Variants in CLVS1 observed in about 807,000 individuals in gnomAD.
The protein encoded by CLVS1 is clavesin 1.
Under a neutral mutation model 33.1 loss-of-function variants are expected in CLVS1, and 10 were observed. That is an observed-to-expected ratio of 0.30 (90% CI 0.19 to 0.51). CLVS1 has a LOEUF of 0.51. CLVS1 is among the 20% of genes least tolerant of loss of function. The pLI is 0.97. For missense variants in CLVS1, 343 were observed against 433.4 expected, an observed-to-expected ratio of 0.79 and a Z score of 1.85; for synonymous variants, 163 against 166.1, an observed-to-expected ratio of 0.98 and a Z score of 0.14.
At chr8:61,396,013 C>T (rs1258130558) in intron 3 of CLVS1, among the ~76,000 whole-genome samples, 2 of 152,190 alleles carry the variant, frequency 1.3e-5, no homozygotes, top group African/African-American at 2.4e-5. Flanking sequence ...TTCCACCATT[C>T]ACCCACTTAT....
rs369025438 is a variant in CLVS1, at chr8:61,181,697, C to CTTTTTTTTTTT, written c.-152+49847_-152+49857dup. ...TACCACACATCTACAACCATCTGAT[C>CTTTTTTTTTTT]TTTTTTTTTTTTTTTTTTTTGAGAT... is the stretch of plus-strand genomic sequence containing the variant. On this transcript the variant is annotated intron_variant, in intron 2 of 2. Transcript: ENST00000522621. 2.2e-3 allele frequency among the ~76,000 whole-genome samples: 224 copies of CTTTTTTTTTTT among 103,158 alleles called. 1 individual carries two copies. The highest frequency in any genetic ancestry group is 3.5e-3 in the Non-Finnish European group (185 of 53,516). The allele number at this position is 103,158 out of a possible 152,430, so 67.7% of individuals were successfully genotyped here.
intron 2 of CLVS1, among the ~76,000 whole-genome samples, chr8:61,141,179 C>T (rs946831289): frequency 2.0e-5 from 3 of 152,136 alleles, no homozygotes; most frequent in African/African-American, 4.8e-5. Context: ...CCTCTAGGTC[C>T]TCCATATTAA....
intron 1 of CLVS1, among the ~76,000 whole-genome samples, chr8:61,125,771 T>C (rs1190694799): frequency 6.6e-6 from 1 of 152,198 alleles, no homozygotes; most frequent in African/African-American, 2.4e-5. Context: ...TAAAAAGACA[T>C]ATGCAAATAT....
chr8:61,170,579 C>T (rs551670487), intron 2 of CLVS1, among the ~76,000 whole-genome samples: 1 of 152,290 alleles, frequency 6.6e-6, no homozygotes, highest in South Asian at 2.1e-4. Flanking sequence ...TGCAATCAGG[C>T]TGACCCAGGT....
the CLVS1 span, among the ~76,000 whole-genome samples, chr8:60,970,386 A>C: frequency 6.6e-6 from 1 of 152,228 alleles, no homozygotes; most frequent in Non-Finnish European, 1.5e-5. Flanking sequence ...TACTGTGTTG[A>C]AGCCTGTTTC....
At chr8:61,327,856 T>A (rs1463884050) in intron 2 of CLVS1, among the ~76,000 whole-genome samples, 1 of 152,208 alleles carries the variant, frequency 6.6e-6, no homozygotes, top group Non-Finnish European at 1.5e-5. Flanking sequence ...CTTCTCTGGT[T>A]GATCAATCTG....
chr8:61,107,714 C>A (rs1432503541), intron 1 of CLVS1, among the ~76,000 whole-genome samples: 2 of 152,230 alleles, frequency 1.3e-5, no homozygotes, highest in East Asian at 3.8e-4. Context: ...TGTGTCTCCC[C>A]ATTGCGTTAC....
chr8:61,174,085 G>T (rs1287165424), intron 2 of CLVS1, among the ~76,000 whole-genome samples: 1 of 152,064 alleles, frequency 6.6e-6, no homozygotes, highest in South Asian at 2.1e-4. Flanking sequence ...CAATACAATA[G>T]TTTTCAAGTA....
intron 3 of CLVS1, among the ~76,000 whole-genome samples, chr8:61,417,380 T>C (rs1470251776): frequency 1.3e-5 from 2 of 152,212 alleles, no homozygotes; most frequent in African/African-American, 2.4e-5. Context: ...TTTCTTTGAA[T>C]GTGATACAAA....
chr8:61,442,578 G>A (rs1368560634), intron 3 of CLVS1, among the ~76,000 whole-genome samples: 1 of 152,092 alleles, frequency 6.6e-6, no homozygotes, highest in East Asian at 1.9e-4. Context: ...AATCCAGCTT[G>A]TCCACATCCT....
At chr8:61,082,047 G>A (rs541300553) in intron 1 of CLVS1, among the ~76,000 whole-genome samples, 1 of 152,276 alleles carries the variant, frequency 6.6e-6, no homozygotes, top group African/African-American at 2.4e-5. Context: ...ATACGGTAAG[G>A]GCTCTAATTG....
intron 1 of CLVS1, among the ~76,000 whole-genome samples, chr8:61,064,335 A>T (rs1454169562): frequency 6.6e-6 from 1 of 152,218 alleles, no homozygotes; most frequent in Non-Finnish European, 1.5e-5. Context: ...TTATGCTTCA[A>T]CAATGAAGTA....
chr8:61,024,306 A>G, the CLVS1 span, among the ~76,000 whole-genome samples: 304 of 152,278 alleles, frequency 2.0e-3, 2 homozygotes, highest in African/African-American at 6.8e-3. Flanking sequence ...ATTTGATTGT[A>G]GTTTAGCAAA....
intron 2 of CLVS1, among the ~76,000 whole-genome samples, chr8:61,168,457 C>G (rs1426789938): frequency 2.6e-5 from 4 of 152,146 alleles, no homozygotes; most frequent in Non-Finnish European, 4.4e-5. Flanking sequence ...GTAAATTAAA[C>G]TTGCTATGAT....
chr8:61,261,998 G>GTGTGTGTA (rs1554551275), intron 2 of CLVS1, among the ~76,000 whole-genome samples: 2 of 108,962 alleles, frequency 1.8e-5, no homozygotes, highest in Non-Finnish European at 3.4e-5. Context: ...GTGTGTGTGT[G>GTGTGTGTA]TGTGTGTGTG....
At chr8:61,438,646 C>G (rs1194503063) in intron 3 of CLVS1, among the ~76,000 whole-genome samples, 1 of 152,190 alleles carries the variant, frequency 6.6e-6, no homozygotes, top group African/African-American at 2.4e-5. Context: ...TTCCCACCAA[C>G]TGGGTAAAAG....
intron 3 of CLVS1, among the ~76,000 whole-genome samples, chr8:61,424,547 A>C (rs754680700): frequency 5.9e-5 from 9 of 152,226 alleles, no homozygotes; most frequent in Non-Finnish European, 8.8e-5. Context: ...TTACTTATAA[A>C]ATTGTACTTT....
chr8:61,123,207 T>C (rs536608728), intron 1 of CLVS1, among the ~76,000 whole-genome samples: 1 of 142,756 alleles, frequency 7.0e-6, no homozygotes, highest in Non-Finnish European at 1.5e-5. Flanking sequence ...AGGCGGAGGT[T>C]GCGCTGAGCC....
chr8:61,255,408 C>G, intron 2 of CLVS1, among the ~76,000 whole-genome samples: 1 of 152,152 alleles, frequency 6.6e-6, no homozygotes, highest in South Asian at 2.1e-4. Flanking sequence ...ATCTAAGAAA[C>G]TTGCTAAGTG....
Sources: gnomAD v4.1 joint callset for allele counts (sites outside exome capture counted in the v4.1 genomes callset) on GRCh38, gnomAD v4.1.1 for gene constraint, MANE v1.5 for transcripts, NCBI Gene and HGNC (gene_info 2026-07-23, HGNC 2026-07-21) for gene names.